ARID2: variants seen among roughly 807,000 people sequenced by gnomAD.
ARID2 encodes AT-rich interaction domain 2.
A neutral mutation model predicts 184.6 loss-of-function variants in ARID2; 32 were observed. That is an observed-to-expected ratio of 0.17 (90% CI 0.13 to 0.23). The LOEUF (loss-of-function observed/expected upper bound fraction) is 0.23. Ranked by LOEUF, ARID2 falls within the 10% of genes least tolerant of loss-of-function variation. ARID2 has a pLI of 1.00. For missense variants in ARID2, 1,696 were observed against 2,197.6 expected (o/e 0.77, Z 4.56); for synonymous variants, 836 against 772.6 (o/e 1.08, Z -1.36).
chr12:45,903,427 C>T (rs1025175997), intron 20 of ARID2, among the ~76,000 whole-genome samples: 2 of 152,128 alleles, frequency 1.3e-5, no homozygotes, highest in South Asian at 2.1e-4. Context: ...ATGATTTTAT[C>T]AATTGACACT....
intron 16 of ARID2, among the ~76,000 whole-genome samples, chr12:45,876,538 C>T (rs191184947): frequency 1.7e-3 from 237 of 140,302 alleles, no homozygotes; most frequent in Non-Finnish European, 2.8e-3. Flanking sequence ...GCAACAAGAG[C>T]GAAACTCCAT....
chr12:45,843,699 G>A (rs974128645), intron 11 of ARID2, among the ~76,000 whole-genome samples: 4 of 152,090 alleles, frequency 2.6e-5, no homozygotes, highest in African/African-American at 7.2e-5. Flanking sequence ...TTTCAAGACC[G>A]TTACAATGTA....
At chr12:45,822,912 C>T (rs1942926341) in intron 6 of ARID2, among the ~76,000 whole-genome samples, 1 of 152,090 alleles carries the variant, frequency 6.6e-6, no homozygotes, top group African/African-American at 2.4e-5. Flanking sequence ...GACAGATCAT[C>T]TAGATAGAAA....
chr12:45,824,503 G>A (rs1284978922), intron 6 of ARID2, among the ~76,000 whole-genome samples: 1 of 151,742 alleles, frequency 6.6e-6, no homozygotes, highest in East Asian at 1.9e-4. Context: ...ACTTACAAAT[G>A]GCCAAAATAT....
intron 3 of ARID2, among the ~76,000 whole-genome samples, chr12:45,787,284 C>T (rs1264594084): frequency 6.6e-6 from 1 of 151,018 alleles, no homozygotes; most frequent in African/African-American, 2.4e-5. Flanking sequence ...GTGGCACAAT[C>T]GCGGCTCACT....
chr12:45,807,645 GA>G (rs922413070), intron 3 of ARID2, among the ~76,000 whole-genome samples: 9 of 151,964 alleles, frequency 5.9e-5, no homozygotes, highest in African/African-American at 2.2e-4. Flanking sequence ...TTTCTTCTAA[GA>G]AAAAAATTTC....
chr12:45,769,847 T>C (rs1329105470), intron 3 of ARID2, among the ~76,000 whole-genome samples: 1 of 152,140 alleles, frequency 6.6e-6, no homozygotes, highest in Admixed American at 6.6e-5. Flanking sequence ...ACTGCCTTCT[T>C]ATCAGAAAGA....
chr12:45,882,154 A>G (rs11183226), intron 16 of ARID2: 46,308 of 155,722 alleles, frequency 0.3, 7,078 homozygotes, highest in Admixed American at 0.33. Context: ...AACATCAACA[A>G]AATGATTGTC....
intron 15 of ARID2, 44 bp downstream of exon 15, chr12:45,852,940 C>A (rs749093696): frequency 6.7e-7 from 1 of 1,489,832 alleles, no homozygotes; most frequent in East Asian, 2.3e-5. Flanking sequence ...AATTTCTGAT[C>A]TGTAAATACA....
chr12:45,796,636 C>T (rs1037702180), intron 3 of ARID2, among the ~76,000 whole-genome samples: 3 of 152,112 alleles, frequency 2.0e-5, no homozygotes, highest in African/African-American at 7.2e-5. Flanking sequence ...GCTTTAGTCT[C>T]CAGAGTAGCT....
intron 3 of ARID2, among the ~76,000 whole-genome samples, chr12:45,775,126 C>G (rs1941950880): frequency 6.6e-6 from 1 of 152,146 alleles, no homozygotes; most frequent in Non-Finnish European, 1.5e-5. Flanking sequence ...GTGCGTTCAT[C>G]CTATGAGCCA....
intron 18 of ARID2, 138 bp downstream of exon 18, chr12:45,892,234 G>A: frequency 1.3e-6 from 1 of 796,956 alleles, no homozygotes; most frequent in Non-Finnish European, 2.0e-6. Context: ...CCAGCAATGT[G>A]ACCCTGTTCA....
In ARID2 at chr12:45,812,145, A is replaced by T. The variant is rs73292514; in HGVS notation, c.418+594A>T. ...GGCTCTGGAGGTCAGGACTGTGATG[A>T]CTAGGAAGAGAGGTCTAAGGAGATA... On this transcript the variant is annotated intron_variant, in intron 4 of 20. Transcript: ENST00000334344. Among the ~76,000 whole-genome samples the T allele has an allele frequency of 5.3e-3, 809 of 151,968 alleles. 6 individuals carry two copies. The highest frequency in any genetic ancestry group is 0.019 in the African/African-American group (769 of 41,440).
intron 11 of ARID2, chr12:45,841,580 C>A (rs1592112097): frequency 6.6e-6 from 1 of 152,290 alleles, no homozygotes; most frequent in East Asian, 1.9e-4. Flanking sequence ...CCTCTGAAAA[C>A]TTTTATAACC....
chr12:45,752,843 A>G (rs1941489893), intron 3 of ARID2, among the ~76,000 whole-genome samples: 2 of 152,202 alleles, frequency 1.3e-5, no homozygotes, highest in South Asian at 2.1e-4. Context: ...AGCTAAAACA[A>G]CCACTACAGT....
intron 3 of ARID2, among the ~76,000 whole-genome samples, chr12:45,744,797 G>A (rs1941325604): frequency 6.6e-6 from 1 of 152,098 alleles, no homozygotes; most frequent in Admixed American, 6.5e-5. Context: ...ATGTTTGTTT[G>A]CGTGAATCCA....
chr12:45,759,848 G>A (rs192110494), intron 3 of ARID2, among the ~76,000 whole-genome samples: 3 of 152,252 alleles, frequency 2.0e-5, no homozygotes, highest in Admixed American at 1.3e-4. Flanking sequence ...ATGCAAGCGC[G>A]TGCCTGGCCT....
chr12:45,820,347 C>T (rs970522909), intron 5 of ARID2, among the ~76,000 whole-genome samples: 2 of 152,118 alleles, frequency 1.3e-5, no homozygotes, highest in Non-Finnish European at 2.9e-5. Flanking sequence ...TTATTCTAGC[C>T]AGAGTACTTT....
chr12:45,757,237 T>A (rs767753052), intron 3 of ARID2, among the ~76,000 whole-genome samples: 4 of 152,214 alleles, frequency 2.6e-5, no homozygotes, highest in African/African-American at 7.2e-5. Context: ...TGTTCTGTAC[T>A]TAAATACTAT....
Sources: gnomAD v4.1 joint callset for allele counts (sites outside exome capture counted in the v4.1 genomes callset) on GRCh38, gnomAD v4.1.1 for gene constraint, MANE v1.5 for transcripts, NCBI Gene and HGNC (gene_info 2026-07-23, HGNC 2026-07-21) for gene names.